HS6ST2: variants seen among roughly 807,000 people sequenced by gnomAD.
HS6ST2 encodes the protein heparan-sulfate 6-O-sulfotransferase 2.
HS6ST2 carries 17 observed loss-of-function variants against 33.0 expected under a neutral mutation model. That is an observed-to-expected ratio of 0.52 (90% CI 0.35 to 0.77). The LOEUF is 0.77. Ranked by LOEUF, HS6ST2 falls within the 30% of genes least tolerant of loss-of-function variation. The pLI is 0.01. For missense variants in HS6ST2, 519 were observed against 551.7 expected (o/e 0.94, Z 0.59); for synonymous variants, 248 against 237.1 (o/e 1.05, Z -0.42).
intron 2 of HS6ST2, among the ~76,000 whole-genome samples, chrX:132,741,563 T>C (rs1306301972): frequency 9.0e-6 from 1 of 111,162 alleles, no homozygotes; most frequent in African/African-American, 3.3e-5. Context: ...ATTACAGGCA[T>C]GAGCCACCAT....
At chrX:132,646,352 G>C (rs1422682854) in intron 4 of HS6ST2, among the ~76,000 whole-genome samples, 2 of 110,326 alleles carry the variant, frequency 1.8e-5, no homozygotes, top group Non-Finnish European at 3.8e-5. Context: ...CATTTGCATG[G>C]GGGAGGGACT....
chrX:132,662,289 G>C (rs945730097), intron 4 of HS6ST2, among the ~76,000 whole-genome samples: 22 of 109,922 alleles, frequency 2.0e-4, no homozygotes, highest in Admixed American at 1.6e-3. Flanking sequence ...GAGAGAGAGA[G>C]AGAGATTTGC....
chrX:132,874,245 C>A (rs2066088979), intron 2 of HS6ST2, among the ~76,000 whole-genome samples: 1 of 112,424 alleles, frequency 8.9e-6, no homozygotes, highest in Non-Finnish European at 1.9e-5. Flanking sequence ...GATTTTGAAT[C>A]AATTAACACA....
chrX:132,778,671 T>A (rs1222418376), intron 2 of HS6ST2, among the ~76,000 whole-genome samples: 2 of 111,059 alleles, frequency 1.8e-5, no homozygotes, highest in African/African-American at 6.6e-5. Flanking sequence ...CCCAAAGTGC[T>A]AGGATTACAG....
At chrX:132,632,790 G>T (rs558163921) in intron 4 of HS6ST2, among the ~76,000 whole-genome samples, 1 of 110,865 alleles carries the variant, frequency 9.0e-6, no homozygotes, top group Admixed American at 9.6e-5. Context: ...AGAATTAGAT[G>T]AGGCAACTGG....
intron 2 of HS6ST2, among the ~76,000 whole-genome samples, chrX:132,888,262 G>A (rs2066272659): frequency 9.0e-6 from 1 of 111,157 alleles, no homozygotes; most frequent in African/African-American, 3.3e-5. Context: ...CATGGCTGGG[G>A]AGGCCGCACA....
intron 2 of HS6ST2, among the ~76,000 whole-genome samples, chrX:132,788,370 C>A (rs2065086410): frequency 9.0e-6 from 1 of 111,612 alleles, no homozygotes; most frequent in Non-Finnish European, 1.9e-5. Flanking sequence ...ATAAACTGCA[C>A]CCAAATAAAC....
At chrX:132,932,305 A>G (rs922687280) in intron 2 of HS6ST2, among the ~76,000 whole-genome samples, 1 of 111,652 alleles carries the variant, frequency 9.0e-6, no homozygotes, top group Non-Finnish European at 1.9e-5. Context: ...AGTGGAGTCC[A>G]ACAGATAGAC....
chrX:132,949,128 G>C (rs764717735), intron 2 of HS6ST2, among the ~76,000 whole-genome samples: 1 of 110,850 alleles, frequency 9.0e-6, no homozygotes, highest in Non-Finnish European at 1.9e-5. Context: ...TCTGCTGGAC[G>C]AGAGCAACAC....
chrX:132,709,874 A>G (rs1192021551), intron 2 of HS6ST2, among the ~76,000 whole-genome samples: 1 of 109,680 alleles, frequency 9.1e-6, no homozygotes, highest in Admixed American at 9.8e-5. Flanking sequence ...ACATAAAGCC[A>G]TATATTGATT....
intron 2 of HS6ST2, among the ~76,000 whole-genome samples, chrX:132,744,810 C>G (rs1178421833): frequency 8.9e-6 from 1 of 111,777 alleles, no homozygotes. Flanking sequence ...ACTACACATT[C>G]AGACCAAAGA....
At chrX:132,689,686 A>G (rs752113017) in intron 3 of HS6ST2, among the ~76,000 whole-genome samples, 3 of 112,141 alleles carry the variant, frequency 2.7e-5, no homozygotes, top group East Asian at 5.6e-4. Flanking sequence ...GAACCAGATT[A>G]TCCCAATGTC....
chrX:132,712,562 T>C (rs2064241095), intron 2 of HS6ST2, among the ~76,000 whole-genome samples: 1 of 111,838 alleles, frequency 8.9e-6, no homozygotes, highest in Non-Finnish European at 1.9e-5. Context: ...AGTGTTAAAA[T>C]GCTTGACCTC....
At position 132,881,457 on chromosome X, in the gene HS6ST2, T is replaced by C. The variant is rs1452254305; in HGVS notation, c.947+75351A>G. Among the ~76,000 whole-genome samples the C allele has an allele frequency of 5.8e-4, 55 of 94,019 alleles. No individual in the cohort carries two copies. In the East Asian group the frequency reaches 0.015, roughly 26 times the overall value. 81.6% of individuals were successfully genotyped at this position (94,019 alleles called of 115,157 possible). On this transcript the variant is annotated intron_variant, in intron 2 of 4. Coordinates refer to ENST00000370833, the MANE Select transcript of HS6ST2 (RefSeq NM_001394073.1). ...GAAGTGTCTGTTCATATACTTTGCC[T>C]ACTTGTTGATGGGGTTGTTTGTTTT...
intron 2 of HS6ST2, among the ~76,000 whole-genome samples, chrX:132,952,717 G>A (rs955525917): frequency 2.7e-5 from 3 of 111,429 alleles, no homozygotes; most frequent in South Asian, 7.6e-4. Context: ...CTGGATTTGA[G>A]ATGATAATTA....
intron 2 of HS6ST2, among the ~76,000 whole-genome samples, chrX:132,750,977 G>C (rs1012339603): frequency 8.9e-6 from 1 of 112,446 alleles, no homozygotes; most frequent in African/African-American, 3.2e-5. Context: ...AGCTTAACCA[G>C]GGGATGAGGT....
At chrX:132,668,217 T>C (rs1449489072) in intron 4 of HS6ST2, 1 of 111,713 alleles carries the variant, frequency 9.0e-6, no homozygotes, top group African/African-American at 3.3e-5. Context: ...TAGTGACATA[T>C]CTTATTGCTA....
chrX:132,817,445 A>G (rs1213026264), intron 2 of HS6ST2, among the ~76,000 whole-genome samples: 1 of 111,336 alleles, frequency 9.0e-6, no homozygotes, highest in Non-Finnish European at 1.9e-5. Flanking sequence ...TCAGTGTAAC[A>G]GCCCTCCAGG....
At chrX:132,651,035 T>G in intron 4 of HS6ST2, among the ~76,000 whole-genome samples, 1 of 111,585 alleles carries the variant, frequency 9.0e-6, no homozygotes, top group East Asian at 2.8e-4. Context: ...CCCAAAGTGT[T>G]GGAGTTCAGG....
Sources: gnomAD v4.1 joint callset for allele counts (sites outside exome capture counted in the v4.1 genomes callset) on GRCh38, gnomAD v4.1.1 for gene constraint, MANE v1.5 for transcripts, NCBI Gene and HGNC (gene_info 2026-07-23, HGNC 2026-07-21) for gene names.